Variants in ZBTB38 observed in about 807,000 individuals in gnomAD.
ZBTB38 encodes zinc finger and BTB domain-containing protein 38.
In ZBTB38, 20 loss-of-function variants were observed where a neutral mutation model predicts 76.8. The observed-to-expected ratio is 0.26, with a 90% CI of 0.18 to 0.38. ZBTB38 has a LOEUF of 0.38. ZBTB38 is among the 10% of genes least tolerant of loss of function. The pLI is 1.00. For missense variants in ZBTB38, 1,082 were observed against 1,482.3 expected (o/e 0.73, Z 4.43); for synonymous variants, 504 against 544.2 (o/e 0.93, Z 1.03).
intron 1 of ZBTB38, among the ~76,000 whole-genome samples, chr3:141,334,481 C>G (rs1468960504): frequency 1.4e-5 from 2 of 142,768 alleles, no homozygotes; most frequent in Non-Finnish European, 3.1e-5. Flanking sequence ...TCCTTCTTTC[C>G]TTTCTTCCTT....
At chr3:141,333,407 C>T (rs1373272699) in intron 1 of ZBTB38, among the ~76,000 whole-genome samples, 1 of 152,018 alleles carries the variant, frequency 6.6e-6, no homozygotes, top group Admixed American at 6.5e-5. Context: ...TGCTTGACAT[C>T]TACCAGCCCA....
chr3:141,367,561 C>A (rs1296171132), upstream of ZBTB38: 1 of 152,196 alleles, frequency 6.6e-6, no homozygotes, highest in South Asian at 2.1e-4. Flanking sequence ...GTCAATATTC[C>A]TTCATTCACT....
intron 4 of ZBTB38, chr3:141,390,036 G>A (rs1159914989): frequency 6.6e-6 from 1 of 152,180 alleles, no homozygotes; most frequent in Non-Finnish European, 1.5e-5. Flanking sequence ...TTGTTGGGAA[G>A]TGTATCGTAC....
chr3:141,390,746 C>G (rs971636738), intron 4 of ZBTB38, among the ~76,000 whole-genome samples: 26 of 152,184 alleles, frequency 1.7e-4, no homozygotes, highest in African/African-American at 6.0e-4. Context: ...TATTGAGCAT[C>G]TGCTACATGC....
chr3:141,382,639 A>G (rs1476875790), intron 3 of ZBTB38, among the ~76,000 whole-genome samples: 4 of 152,154 alleles, frequency 2.6e-5, no homozygotes, highest in Non-Finnish European at 4.4e-5. Context: ...ATCTCCCACT[A>G]AAATATTTAC....
chr3:141,397,852 C>G (rs1169154431), intron 4 of ZBTB38, among the ~76,000 whole-genome samples: 1 of 152,136 alleles, frequency 6.6e-6, no homozygotes, highest in Admixed American at 6.5e-5. Flanking sequence ...TCACAGATCA[C>G]TATAACACAT....
intron 1 of ZBTB38, among the ~76,000 whole-genome samples, chr3:141,329,720 G>A (rs1262442201): frequency 6.6e-6 from 1 of 152,168 alleles, no homozygotes; most frequent in Non-Finnish European, 1.5e-5. Flanking sequence ...ACATTTATGT[G>A]TCAATAACTA....
intron 5 of ZBTB38, among the ~76,000 whole-genome samples, chr3:141,411,412 CTG>C (rs1956594241): frequency 6.6e-6 from 1 of 152,232 alleles, no homozygotes; most frequent in African/African-American, 2.4e-5. Flanking sequence ...CTCAAGGTCT[CTG>C]TGCAGGTCTT....
chr3:141,357,028 A>G (rs1200722083), intron 1 of ZBTB38, among the ~76,000 whole-genome samples: 1 of 152,240 alleles, frequency 6.6e-6, no homozygotes, highest in Non-Finnish European at 1.5e-5. Flanking sequence ...AATTATATAG[A>G]ACCAATTTGT....
chr3:141,375,438 G>T (rs1269221681), intron 2 of ZBTB38, among the ~76,000 whole-genome samples: 1 of 152,166 alleles, frequency 6.6e-6, no homozygotes, highest in African/African-American at 2.4e-5. Context: ...CCTCAGATAG[G>T]CATGCCCGTA....
intron 1 of ZBTB38, among the ~76,000 whole-genome samples, chr3:141,340,950 G>GAAAGAA (rs1943167942): frequency 1.4e-4 from 1 of 7,202 alleles, no homozygotes; most frequent in Non-Finnish European, 5.1e-4. Context: ...AAGAAAGAAG[G>GAAAGAA]AAAGAAAGAA....
chr3:141,332,073 C>T (rs535887153), intron 1 of ZBTB38, among the ~76,000 whole-genome samples: 72 of 152,302 alleles, frequency 4.7e-4, no homozygotes, highest in Non-Finnish European at 7.5e-4. Context: ...TGCAGATCCA[C>T]GTCAAACACC....
chr3:141,398,125 G>T (rs767234137), intron 4 of ZBTB38, among the ~76,000 whole-genome samples: 16 of 152,110 alleles, frequency 1.1e-4, no homozygotes, highest in Non-Finnish European at 1.9e-4. Flanking sequence ...TAGCTTGTAG[G>T]CCACACAAAA....
At chr3:141,386,178 C>T (rs190376538) in intron 3 of ZBTB38, 1 of 152,276 alleles carries the variant, frequency 6.6e-6, no homozygotes, top group African/African-American at 2.4e-5. Flanking sequence ...TGAACGCATA[C>T]AGTATGCTGC....
chr3:141,384,671 T>C (rs1414243121), intron 3 of ZBTB38: 1 of 152,206 alleles, frequency 6.6e-6, no homozygotes, highest in Admixed American at 6.5e-5. Flanking sequence ...AAGGAGGAAT[T>C]GGCCTAAGGA....
intron 5 of ZBTB38, among the ~76,000 whole-genome samples, chr3:141,404,840 G>C (rs1017387206): frequency 6.6e-6 from 1 of 152,164 alleles, no homozygotes; most frequent in Non-Finnish European, 1.5e-5. Context: ...CAAAGTGCCC[G>C]TCCTGGAGGA....
At chr3:141,347,208 G>A (rs1184551147) in intron 1 of ZBTB38, among the ~76,000 whole-genome samples, 1 of 152,162 alleles carries the variant, frequency 6.6e-6, no homozygotes, top group Non-Finnish European at 1.5e-5. Flanking sequence ...CCTAGTGTTA[G>A]GGTTACAGAC....
rs181600511 is a variant in ZBTB38, at chr3:141,331,273, G to A, written c.-739+6817G>A. On this transcript the variant is annotated intron_variant, in intron 1 of 7. Coordinates refer to the ZBTB38 transcript ENST00000509842. ...ATAACATGCCTAAGAGCTCTGGGGT[G>A]ATTGGGCAAAGTCCTTGGTTATGTT... Among the ~76,000 whole-genome samples the A allele has an allele frequency of 5.8e-4, 89 of 152,330 alleles. 1 individual carries two copies. In the South Asian group the frequency reaches 0.017, roughly 29 times the overall value.
intron 5 of ZBTB38, among the ~76,000 whole-genome samples, chr3:141,441,032 C>CAAAAAAAAAAAA (rs202075469): frequency 3.1e-5 from 2 of 64,590 alleles, no homozygotes; most frequent in African/African-American, 1.0e-4. Flanking sequence ...GACTCAATCT[C>CAAAAAAAAAAAA]AAAAAAAAAA....
Sources: gnomAD v4.1 joint callset for allele counts (sites outside exome capture counted in the v4.1 genomes callset) on GRCh38, gnomAD v4.1.1 for gene constraint, MANE v1.5 for transcripts, NCBI Gene and HGNC (gene_info 2026-07-23, HGNC 2026-07-21) for gene names.